Variants in SLC38A9 observed in about 807,000 individuals in gnomAD.
SLC38A9 encodes the protein neutral amino acid transporter 9.
SLC38A9 carries 48 observed loss-of-function variants against 62.3 expected under a neutral mutation model. That is an observed-to-expected ratio of 0.77 (90% CI 0.61 to 0.98). The LOEUF is 0.98. Among genes scored for constraint, SLC38A9 ranks in the 50% least tolerant of loss-of-function variants. The pLI is 0.00. For missense variants in SLC38A9, 541 were observed against 679.8 expected, an observed-to-expected ratio of 0.80 and a Z score of 2.27; for synonymous variants, 204 against 227.7, an observed-to-expected ratio of 0.90 and a Z score of 0.94.
intron 11 of SLC38A9, among the ~76,000 whole-genome samples, chr5:55,648,683 C>G (rs7704479): frequency 6.6e-6 from 1 of 151,928 alleles, no homozygotes; most frequent in East Asian, 1.9e-4. Context: ...AAATGGCCAA[C>G]AAACATATGA....
intron 10 of SLC38A9, among the ~76,000 whole-genome samples, 179 bp from the exon 11 acceptor site, chr5:55,649,493 A>G (rs1746992448): frequency 3.2e-5 from 3 of 95,082 alleles, no homozygotes; most frequent in Admixed American, 1.0e-4. Context: ...GAGTTACCAG[A>G]AAAAAAACAA....
chr5:55,711,836 G>A (rs1281976298), intron 1 of SLC38A9, among the ~76,000 whole-genome samples: 1 of 152,162 alleles, frequency 6.6e-6, no homozygotes, highest in East Asian at 1.9e-4. Flanking sequence ...TCCCATTCCT[G>A]CAAGTCCCAC....
intron 3 of SLC38A9, among the ~76,000 whole-genome samples, chr5:55,676,830 C>T (rs1336189918): frequency 2.8e-5 from 4 of 144,924 alleles, no homozygotes; most frequent in East Asian, 4.0e-4. Context: ...GTATTTTAAT[C>T]GTCTGAGAAA....
chr5:55,638,425 G>T (rs893710358), intron 12 of SLC38A9, among the ~76,000 whole-genome samples: 2 of 152,194 alleles, frequency 1.3e-5, no homozygotes, highest in Admixed American at 6.5e-5. Flanking sequence ...ATATAAGCTG[G>T]TAATTATGTC....
chr5:55,640,568 G>A (rs1055778950), intron 12 of SLC38A9, among the ~76,000 whole-genome samples: 1 of 152,158 alleles, frequency 6.6e-6, no homozygotes, highest in Non-Finnish European at 1.5e-5. Context: ...ACAATGGGGC[G>A]TATACATCTC....
At chr5:55,695,253 C>T (rs1755330101) in intron 3 of SLC38A9, among the ~76,000 whole-genome samples, 1 of 148,614 alleles carries the variant, frequency 6.7e-6, no homozygotes, top group Admixed American at 6.8e-5. Context: ...AGATTTTACA[C>T]ATTCATGTTA....
intron 4 of SLC38A9, among the ~76,000 whole-genome samples, chr5:55,670,642 A>G (rs1039846281): frequency 2.0e-5 from 3 of 152,228 alleles, no homozygotes; most frequent in Non-Finnish European, 4.4e-5. Context: ...GTCAGTTAAC[A>G]AATGGCATTC....
At chr5:55,711,272 G>C in intron 2 of SLC38A9, 180 bp downstream of exon 2, 1 of 148,528 alleles carries the variant, frequency 6.7e-6, no homozygotes, top group Non-Finnish European at 1.5e-5. Context: ...CAGCCTGGGC[G>C]ACAGAGCGAG....
chr5:55,680,222 T>TAGAGAG (rs138894224), intron 3 of SLC38A9, among the ~76,000 whole-genome samples: 3,951 of 85,050 alleles, frequency 0.046, 65 homozygotes, highest in South Asian at 0.093. Context: ...TATCTATATA[T>TAGAGAG]ATATAGAGAG....
At position 55,626,452 on chromosome 5, in the gene SLC38A9, C is replaced by T. The variant is rs201595862; in HGVS notation, c.*42G>A. 958 of 1,544,378 alleles carry T rather than the reference C, an allele frequency of 6.2e-4. 2 individuals carry two copies. In the Middle Eastern group the frequency reaches 8.5e-3, roughly 14 times the overall value. On this transcript the variant is annotated 3_prime_UTR_variant, in exon 16 of 16. Coordinates refer to ENST00000396865, the MANE Select transcript of SLC38A9 (RefSeq NM_173514.4). Reference sequence around the variant, plus strand: ...TTTATATAGAACTGTTGTCAAGGCTCAAAATATCATGAGAGCTCTTGAAAA... The same window carrying T: ...TTTATATAGAACTGTTGTCAAGGCTTAAAATATCATGAGAGCTCTTGAAAA...
In SLC38A9 at chr5:55,687,577, T is replaced by C. The variant is rs115230223; in HGVS notation, c.113+10269A>G. On this transcript the variant is annotated intron_variant, in intron 3 of 15. Transcript: ENST00000396865. ...TTCTTCCTATCTATGAGCATATGAA[T>C]GCTTTTCCATTTGTCTGTGTCATCT... Among the ~76,000 whole-genome samples the C allele has an allele frequency of 4.5e-3, 690 of 152,322 alleles. 6 individuals are homozygous for C. The highest frequency in any genetic ancestry group is 0.016 in the African/African-American group (665 of 41,578).
intron 3 of SLC38A9, among the ~76,000 whole-genome samples, chr5:55,673,804 T>A (rs1027976862): frequency 6.6e-6 from 1 of 151,176 alleles, no homozygotes; most frequent in African/African-American, 2.4e-5. Flanking sequence ...CTCCACCTCC[T>A]GAGTTCAAGC....
At chr5:55,658,485 G>A (rs1207836531) in intron 8 of SLC38A9, among the ~76,000 whole-genome samples, 1 of 152,128 alleles carries the variant, frequency 6.6e-6, no homozygotes, top group Non-Finnish European at 1.5e-5. Context: ...TTTGGACACA[G>A]ACACACAGAG....
chr5:55,688,067 T>C (rs1754189399), intron 3 of SLC38A9, among the ~76,000 whole-genome samples: 1 of 152,146 alleles, frequency 6.6e-6, no homozygotes, highest in Non-Finnish European at 1.5e-5. Context: ...TTGACTGTTG[T>C]TGGTGTATAG....
At position 55,661,394 on chromosome 5, in the gene SLC38A9, G is replaced by A. The variant is rs574019866; in HGVS notation, c.697+3299C>T. On this transcript the variant is annotated intron_variant, in intron 8 of 15. Coordinates refer to ENST00000396865, the MANE Select transcript of SLC38A9 (RefSeq NM_173514.4). ...CAGCAGGCGGAGCTTGCAGTGAGCC[G>A]AGATCTCGCCCCGGCACTCAAGCCT... Among the ~76,000 whole-genome samples the A allele has an allele frequency of 1.2e-3, 164 of 139,306 alleles. 5 individuals are homozygous for A. In the South Asian group the frequency reaches 0.036, roughly 31 times the overall value. The allele number at this position is 139,306 out of a possible 152,430, so 91.4% of individuals were successfully genotyped here.
chr5:55,653,264 G>A (rs1386153049), intron 9 of SLC38A9, among the ~76,000 whole-genome samples: 1 of 152,152 alleles, frequency 6.6e-6, no homozygotes, highest in East Asian at 1.9e-4. Context: ...ACTGCGCCCA[G>A]CCCTGAGATA....
intron 15 of SLC38A9, among the ~76,000 whole-genome samples, chr5:55,627,174 T>C (rs916362356): frequency 2.8e-4 from 43 of 152,210 alleles, no homozygotes; most frequent in Admixed American, 6.5e-4. Context: ...TTGGGTTTTC[T>C]TGAGGAACAG....
chr5:55,652,409 GAACA>G, intron 10 of SLC38A9, 116 bp downstream of exon 10: 1 of 342,294 alleles, frequency 2.9e-6, no homozygotes, highest in East Asian at 4.7e-5. Flanking sequence ...AAAAACGAAT[GAACA>G]AATTAAACAC....
chr5:55,645,009 T>C (rs1032833222), intron 12 of SLC38A9, among the ~76,000 whole-genome samples: 1 of 152,146 alleles, frequency 6.6e-6, no homozygotes, highest in Non-Finnish European at 1.5e-5. Context: ...AGAACGGTGA[T>C]TTCCAATTTC....
Sources: gnomAD v4.1 joint callset for allele counts (sites outside exome capture counted in the v4.1 genomes callset) on GRCh38, gnomAD v4.1.1 for gene constraint, MANE v1.5 for transcripts, NCBI Gene and HGNC (gene_info 2026-07-23, HGNC 2026-07-21) for gene names.